Variants in CRACD observed in about 807,000 individuals in gnomAD.
CRACD encodes the protein capping protein inhibiting regulator of actin dynamics, also known as capping protein-inhibiting regulator of actin dynamics.
In CRACD, 56 loss-of-function variants were observed where a neutral mutation model predicts 106.8. The observed-to-expected ratio is 0.52, with a 90% CI of 0.42 to 0.66. The LOEUF (loss-of-function observed/expected upper bound fraction) is 0.66. Among genes scored for constraint, CRACD ranks in the 30% least tolerant of loss-of-function variants. The probability of loss-of-function intolerance (pLI) is 0.00; values close to 1 mark genes in which losing one functional copy is unlikely to be tolerated. For missense variants in CRACD, 1,730 were observed against 1,623.2 expected, an observed-to-expected ratio of 1.07 and a Z score of -1.13; for synonymous variants, 754 against 670.8, an observed-to-expected ratio of 1.12 and a Z score of -1.92.
chr4:56,213,318 T>C (rs2109495370), intron 2 of CRACD, among the ~76,000 whole-genome samples: 1 of 152,228 alleles, frequency 6.6e-6, no homozygotes, highest in East Asian at 1.9e-4. Flanking sequence ...TAGTGGCGTA[T>C]GCCTGTAATC....
chr4:56,313,658 C>A (rs1221226632), intron 7 of CRACD, among the ~76,000 whole-genome samples: 1 of 152,184 alleles, frequency 6.6e-6, no homozygotes, highest in African/African-American at 2.4e-5. Flanking sequence ...AGCCAATGCT[C>A]CCTCAGTTTG....
chr4:56,308,460 T>C (rs1487045931), intron 5 of CRACD, among the ~76,000 whole-genome samples: 1 of 146,140 alleles, frequency 6.8e-6, no homozygotes, highest in Non-Finnish European at 1.5e-5. Flanking sequence ...GGCACTGGGG[T>C]TTCACTTTAA....
chr4:56,258,896 A>G (rs575434751), intron 2 of CRACD, among the ~76,000 whole-genome samples: 8 of 152,184 alleles, frequency 5.3e-5, no homozygotes, highest in Non-Finnish European at 1.2e-4. Context: ...GTCCCATATA[A>G]TGTTCACCAA....
intron 1 of CRACD, among the ~76,000 whole-genome samples, chr4:56,119,647 T>C (rs1308927044): frequency 6.6e-6 from 1 of 152,086 alleles, no homozygotes; most frequent in Admixed American, 6.6e-5. Flanking sequence ...ATTCTCAGTT[T>C]TTTCCACTTA....
chr4:56,225,179 C>T (rs1230651506), intron 2 of CRACD, among the ~76,000 whole-genome samples: 1 of 152,190 alleles, frequency 6.6e-6, no homozygotes, highest in Non-Finnish European at 1.5e-5. Context: ...AAAACCTCTC[C>T]CTCTCGGGTT....
At position 56,329,631 on chromosome 4, in the gene CRACD, C is replaced by CGTGCA. The variant is rs1180816984; in HGVS notation, c.*1829_*1830insGCAGT. On this transcript the variant is annotated 3_prime_UTR_variant, in exon 11 of 11. Transcript: ENST00000682029. ...GGCAAGCAATTAGTATTTCACTGCA[C>CGTGCA]GTCTTCCATACTAATGTTCATTTCT... is the stretch of plus-strand genomic sequence containing the variant. Among the ~76,000 whole-genome samples, 6 of 152,268 alleles carry CGTGCA rather than the reference C, an allele frequency of 3.9e-5. No homozygotes were observed. The East Asian group carries it at 1.2e-3, about 29-fold the overall frequency.
At chr4:56,240,934 C>T (rs1740332381) in intron 2 of CRACD, among the ~76,000 whole-genome samples, 1 of 152,208 alleles carries the variant, frequency 6.6e-6, no homozygotes, top group Non-Finnish European at 1.5e-5. Context: ...CATCCGCACA[C>T]CCACCAGGTT....
intron 1 of CRACD, among the ~76,000 whole-genome samples, chr4:56,133,140 T>C (rs1244884335): frequency 3.3e-5 from 5 of 152,210 alleles, no homozygotes; most frequent in Non-Finnish European, 5.9e-5. Context: ...TTTTCTTACG[T>C]CTGCAATGTG....
chr4:56,102,983 G>A (rs953498785), intron 1 of CRACD, among the ~76,000 whole-genome samples: 3 of 152,120 alleles, frequency 2.0e-5, no homozygotes, highest in South Asian at 2.1e-4. Flanking sequence ...GCAAGTTTAC[G>A]TTGTGTACCA....
At chr4:56,291,320 C>T (rs978375456) in intron 3 of CRACD, among the ~76,000 whole-genome samples, 7 of 152,256 alleles carry the variant, frequency 4.6e-5, no homozygotes, top group African/African-American at 1.4e-4. Flanking sequence ...GAAGTCCGGA[C>T]GAACTCTGCT....
At chr4:56,114,078 CTTTA>C (rs1211659668) in intron 1 of CRACD, among the ~76,000 whole-genome samples, 1 of 151,860 alleles carries the variant, frequency 6.6e-6, no homozygotes, top group African/African-American at 2.4e-5. Context: ...CAAGTAAGGA[CTTTA>C]TTTGTCTCAC....
chr4:56,088,094 A>G (rs905259587), intron 1 of CRACD, among the ~76,000 whole-genome samples: 2 of 147,170 alleles, frequency 1.4e-5, no homozygotes, highest in Admixed American at 6.8e-5. Flanking sequence ...GTGACTAATG[A>G]CTCTATGATC....
chr4:56,119,333 TTTTTTTTC>T (rs1734403587), intron 1 of CRACD, among the ~76,000 whole-genome samples: 2 of 152,028 alleles, frequency 1.3e-5, no homozygotes, highest in Admixed American at 6.6e-5. Flanking sequence ...CTCAGTCTTT[TTTTTTTTC>T]TTTTTTTCTG....
At chr4:56,167,841 G>A (rs565683982) in intron 1 of CRACD, among the ~76,000 whole-genome samples, 2 of 152,266 alleles carry the variant, frequency 1.3e-5, no homozygotes, top group South Asian at 4.1e-4. Context: ...AGGAAATCCT[G>A]CAATATGCAA....
At chr4:56,153,187 G>A (rs1735647190) in intron 1 of CRACD, among the ~76,000 whole-genome samples, 1 of 152,008 alleles carries the variant, frequency 6.6e-6, no homozygotes, top group African/African-American at 2.4e-5. Flanking sequence ...GCTGAGGCAG[G>A]AGAATCGCCT....
intron 2 of CRACD, among the ~76,000 whole-genome samples, chr4:56,213,148 T>C (rs1344714670): frequency 6.6e-6 from 1 of 152,066 alleles, no homozygotes; most frequent in Non-Finnish European, 1.5e-5. Flanking sequence ...CTTAGACAAA[T>C]TAAAGAGTTT....
intron 1 of CRACD, among the ~76,000 whole-genome samples, chr4:56,164,468 A>G (rs1736069084): frequency 6.6e-6 from 1 of 152,206 alleles, no homozygotes; most frequent in Admixed American, 6.5e-5. Flanking sequence ...AAAAAACTAT[A>G]TATTCAGAAA....
intron 1 of CRACD, among the ~76,000 whole-genome samples, chr4:56,106,129 TCTC>T (rs1440049509): frequency 1.3e-5 from 2 of 150,614 alleles, no homozygotes; most frequent in African/African-American, 4.9e-5. Context: ...GCAGTGTCCT[TCTC>T]CTTGGTTCCC....
intron 2 of CRACD, among the ~76,000 whole-genome samples, chr4:56,203,352 A>T (rs1737970809): frequency 6.6e-6 from 1 of 152,192 alleles, no homozygotes; most frequent in African/African-American, 2.4e-5. Context: ...GACTCCTCAC[A>T]ATATACTCAT....
Sources: allele counts gnomAD v4.1 joint callset (sites outside exome capture counted in the v4.1 genomes callset), GRCh38; gene constraint gnomAD v4.1.1; transcripts MANE v1.5; gene names NCBI Gene and HGNC (gene_info 2026-07-23, HGNC 2026-07-21).